Variants in PPP2R2C observed in about 807,000 individuals in gnomAD.
The protein encoded by PPP2R2C is protein phosphatase 2 regulatory subunit Bgamma, also known as protein phosphatase 2, regulatory subunit B, gamma.
Under a neutral mutation model 45.3 loss-of-function variants are expected in PPP2R2C, and 10 were observed. That is an observed-to-expected ratio of 0.22 (90% CI 0.14 to 0.37). The LOEUF is 0.37. Ranked by LOEUF, PPP2R2C falls within the 10% of genes least tolerant of loss-of-function variation. The pLI, the probability that PPP2R2C is intolerant of heterozygous loss-of-function variation, is 1.00. For synonymous variants in PPP2R2C, 257 were observed against 245.4 expected (o/e 1.05, Z -0.44); for missense variants, 308 against 619.7 (o/e 0.50, Z 5.34).
At chr4:6,508,543 C>T (rs964054942) in intron 2 of PPP2R2C, among the ~76,000 whole-genome samples, 26 of 151,832 alleles carry the variant, frequency 1.7e-4, no homozygotes, top group African/African-American at 5.8e-4. Context: ...GAGCCAAGAT[C>T]GTGCCACTGC....
chr4:6,458,886 T>C (rs1305370362), intron 1 of PPP2R2C, among the ~76,000 whole-genome samples: 1 of 152,112 alleles, frequency 6.6e-6, no homozygotes, highest in African/African-American at 2.4e-5. Context: ...CTGTCAGTTA[T>C]AAGCAACAGA....
chr4:6,343,311 G>A (rs7441490), intron 6 of PPP2R2C, among the ~76,000 whole-genome samples: 85,457 of 152,092 alleles, frequency 0.56, 24,522 homozygotes, highest in Middle Eastern at 0.64. Context: ...AAACTGCTGC[G>A]CAATCTTTTT....
chr4:6,335,670 G>A (rs11736839), intron 6 of PPP2R2C, among the ~76,000 whole-genome samples: 72,700 of 151,624 alleles, frequency 0.48, 19,429 homozygotes, highest in Middle Eastern at 0.63. Flanking sequence ...TCCAGCACCC[G>A]GTGGGCCAGG....
At position 6,446,994 on chromosome 4, in the gene PPP2R2C, G is replaced by C. The variant is rs528684898; in HGVS notation, c.70+25166C>G. ...GACCACGGTGCGGGGCAAGGTCTTG[G>C]CAGAGCAACAGCGGCTCAAAGCACA... is the stretch of plus-strand genomic sequence containing the variant. On this transcript the variant is annotated intron_variant, in intron 1 of 8. Transcript: ENST00000382599. Among the ~76,000 whole-genome samples the C allele has an allele frequency of 8.5e-5, 13 of 152,272 alleles. No individual in the cohort carries two copies. In the East Asian group the frequency reaches 2.5e-3, roughly 29 times the overall value.
intron 1 of PPP2R2C, among the ~76,000 whole-genome samples, chr4:6,559,862 C>T (rs1351002829): frequency 1.3e-5 from 2 of 152,188 alleles, no homozygotes; most frequent in Non-Finnish European, 2.9e-5. Context: ...TCATAAGCTG[C>T]CCAGGCTATA....
chr4:6,531,816 C>T (rs1293839460), intron 2 of PPP2R2C, among the ~76,000 whole-genome samples: 1 of 152,152 alleles, frequency 6.6e-6, no homozygotes, highest in Non-Finnish European at 1.5e-5. Flanking sequence ...GATGAGTGAG[C>T]TGTGATTAAA....
chr4:6,468,322 A>G (rs962715573), intron 1 of PPP2R2C, among the ~76,000 whole-genome samples: 2 of 152,196 alleles, frequency 1.3e-5, no homozygotes, highest in African/African-American at 4.8e-5. Flanking sequence ...TGACCTTAGC[A>G]ATTCCCAAGC....
At chr4:6,474,463 T>C (rs1722065922), upstream of PPP2R2C, among the ~76,000 whole-genome samples, 1 of 152,128 alleles carries the variant, frequency 6.6e-6, no homozygotes, top group African/African-American at 2.4e-5. Flanking sequence ...CCCTCCCGCA[T>C]GTTCCTCAGC....
At chr4:6,454,826 G>A (rs532948451) in intron 1 of PPP2R2C, among the ~76,000 whole-genome samples, 1 of 152,344 alleles carries the variant, frequency 6.6e-6, no homozygotes, top group East Asian at 1.9e-4. Context: ...ACCTCCCAGA[G>A]TGGACATAAA....
At chr4:6,359,996 A>C (rs1352550172) in intron 5 of PPP2R2C, among the ~76,000 whole-genome samples, 1 of 152,244 alleles carries the variant, frequency 6.6e-6, no homozygotes, top group Non-Finnish European at 1.5e-5. Context: ...TCACCTCATG[A>C]TGGGCCCCAG....
intron 2 of PPP2R2C, among the ~76,000 whole-genome samples, chr4:6,498,262 G>A (rs911602039): frequency 3.3e-5 from 5 of 152,172 alleles, no homozygotes; most frequent in African/African-American, 7.2e-5. Flanking sequence ...AAATCTTTGC[G>A]CAGCTCAACA....
chr4:6,490,597 CAG>C (rs1722671098), intron 2 of PPP2R2C, among the ~76,000 whole-genome samples: 1 of 152,068 alleles, frequency 6.6e-6, no homozygotes, highest in Admixed American at 6.5e-5. Flanking sequence ...ACAGGTGGGA[CAG>C]AGGAATGGGG....
At chr4:6,556,675 GC>G (rs544648694) in intron 1 of PPP2R2C, among the ~76,000 whole-genome samples, 1 of 152,060 alleles carries the variant, frequency 6.6e-6, no homozygotes, top group Non-Finnish European at 1.5e-5. Flanking sequence ...TCTTTCCAGA[GC>G]CCTGCCCAGC....
chr4:6,542,702 C>CAAAA (rs10691194), intron 1 of PPP2R2C, among the ~76,000 whole-genome samples: 5 of 26,970 alleles, frequency 1.9e-4, no homozygotes, highest in Admixed American at 8.4e-4. Context: ...GACTCTGTCT[C>CAAAA]AAAAAAAAAA....
At chr4:6,502,070 C>G (rs1164456575) in intron 2 of PPP2R2C, among the ~76,000 whole-genome samples, 2 of 152,212 alleles carry the variant, frequency 1.3e-5, no homozygotes, top group Non-Finnish European at 2.9e-5. Flanking sequence ...CCAGCCTGTT[C>G]CACGCGATCT....
rs143858314 is a variant in PPP2R2C, at chr4:6,350,189, G to T, written c.626-2179C>A. On this transcript the variant is annotated intron_variant, in intron 5 of 8. Transcript: ENST00000382599. ...AATGAAAAATGATACTGAAGGCCAA[G>T]CAAGAAAAGAGCCCTCCTCCTGCCA... is the stretch of plus-strand genomic sequence containing the variant. The T allele has an allele frequency of 2.2e-3, 2,193 of 985,452 alleles. 31 individuals are homozygous for T. In the African/African-American group the frequency reaches 0.035, roughly 16 times the overall value. 61.0% of individuals were successfully genotyped at this position (985,452 alleles called of 1,614,324 possible). A position where few individuals can be genotyped will look rare whatever the true frequency, so the allele number is the denominator to read the frequency against.
chr4:6,488,371 T>C (rs979204390), intron 2 of PPP2R2C, among the ~76,000 whole-genome samples: 4 of 152,206 alleles, frequency 2.6e-5, no homozygotes, highest in African/African-American at 7.2e-5. Context: ...TTCTGAGATG[T>C]AGTCAACACA....
chr4:6,522,237 G>A (rs1184464714), intron 2 of PPP2R2C, among the ~76,000 whole-genome samples: 1 of 152,218 alleles, frequency 6.6e-6, no homozygotes, highest in Non-Finnish European at 1.5e-5. Flanking sequence ...GAAAGTTGCT[G>A]CCTTTAACCC....
At position 6,359,355 on chromosome 4, in the gene PPP2R2C, G is replaced by A. The variant is rs566486247; in HGVS notation, c.626-11345C>T. 1.1e-3 allele frequency among the ~76,000 whole-genome samples: 171 copies of A among 152,276 alleles called. 2 individuals carry two copies. The highest frequency in any genetic ancestry group is 3.9e-3 in the African/African-American group (163 of 41,546). Reference sequence around the variant, plus strand: ...CACCAGGACCTGTCATGGAGTGGGGGAATGGAGGAGGGATAGCATTAGGAG... The same window carrying A: ...CACCAGGACCTGTCATGGAGTGGGGAAATGGAGGAGGGATAGCATTAGGAG... On this transcript the variant is annotated intron_variant, in intron 5 of 8. Transcript: ENST00000382599.
Sources: allele counts gnomAD v4.1 joint callset (sites outside exome capture counted in the v4.1 genomes callset), GRCh38; gene constraint gnomAD v4.1.1; transcripts MANE v1.5; gene names NCBI Gene and HGNC (gene_info 2026-07-23, HGNC 2026-07-21).